Variants in KCNMA1 observed in about 807,000 individuals in gnomAD.
KCNMA1 encodes potassium calcium-activated channel subfamily M alpha 1.
A neutral mutation model predicts 140.0 loss-of-function variants in KCNMA1; 29 were observed. The ratio of observed to expected loss-of-function variants is 0.21; its 90% CI spans 0.15 to 0.28. KCNMA1 has a LOEUF of 0.28. Among genes scored for constraint, KCNMA1 ranks in the 10% least tolerant of loss-of-function variants. The probability of loss-of-function intolerance (pLI) is 1.00; values close to 1 mark genes in which losing one functional copy is unlikely to be tolerated. For synonymous variants in KCNMA1, 612 were observed against 611.9 expected, an observed-to-expected ratio of 1.00 and a Z score of 0.00; for missense variants, 880 against 1,602.2, an observed-to-expected ratio of 0.55 and a Z score of 7.70.
chr10:77,555,974 C>T (rs1424812744), intron 1 of KCNMA1, among the ~76,000 whole-genome samples: 1 of 152,154 alleles, frequency 6.6e-6, no homozygotes, highest in African/African-American at 2.4e-5. Flanking sequence ...GCAGCAATTG[C>T]AAAATGTGGG....
intron 18 of KCNMA1, among the ~76,000 whole-genome samples, chr10:77,002,898 A>C (rs920761706): frequency 2.0e-5 from 3 of 152,104 alleles, no homozygotes; most frequent in African/African-American, 7.2e-5. Context: ...TATTCCCTGC[A>C]CCCACACCTT....
chr10:76,970,017 C>T lies in KCNMA1; in HGVS notation c.2317G>A (p.Gly773Arg). Residue 773 changes from glycine to arginine, a missense_variant, in exon 20 of 28, where the codon GGA (glycine) becomes AGA (arginine). Gly to Arg is a moderately radical substitution (Grantham distance 125, BLOSUM62 -2). Around this residue, in one of 13 missense-constraint regions of KCNMA1, gnomAD observed 196 missense variants for 233.0 expected, o/e 0.84. Coordinates refer to ENST00000286628, the MANE Select transcript of KCNMA1 (RefSeq NM_001161352.2). Reference sequence around the variant, plus strand: ...GTGTTGGGTGAGTTCCGCATGCCTCCATTCCGTTGCTTTTTTTTTGGTGAT... The same window carrying T: ...GTGTTGGGTGAGTTCCGCATGCCTCTATTCCGTTGCTTTTTTTTTGGTGAT... ...TLSPKKKQRN[G>R]GMRNSPNTSP... The T allele has an allele frequency of 1.2e-6, 2 of 1,614,048 alleles. No individual in the cohort carries two copies. Among genetic ancestry groups the T allele is most frequent in the South Asian group, 1.1e-5 (1 of 91,080 alleles).
chr10:77,594,912 C>T (rs146758712), intron 1 of KCNMA1, among the ~76,000 whole-genome samples: 246 of 152,328 alleles, frequency 1.6e-3, no homozygotes, highest in Middle Eastern at 3.4e-3. Flanking sequence ...GCCACAGACA[C>T]ACCCTTTGAT....
chr10:77,272,619 T>C (rs1209925428), intron 2 of KCNMA1, among the ~76,000 whole-genome samples: 1 of 146,624 alleles, frequency 6.8e-6, no homozygotes, highest in African/African-American at 2.6e-5. Context: ...CAAATAATAA[T>C]TTTTAAAATG....
chr10:77,465,262 G>T (rs768288029), intron 1 of KCNMA1, among the ~76,000 whole-genome samples: 1 of 152,182 alleles, frequency 6.6e-6, no homozygotes, highest in Non-Finnish European at 1.5e-5. Flanking sequence ...TAAGGCTGGA[G>T]ATTCAACTAA....
chr10:77,189,997 A>G (rs749232162), intron 3 of KCNMA1, among the ~76,000 whole-genome samples: 2 of 152,122 alleles, frequency 1.3e-5, no homozygotes, highest in Non-Finnish European at 2.9e-5. Context: ...ATTTTCTACT[A>G]TGTTTCAGTC....
At chr10:77,446,844 C>T (rs1039856121) in intron 1 of KCNMA1, among the ~76,000 whole-genome samples, 6 of 152,254 alleles carry the variant, frequency 3.9e-5, no homozygotes, top group African/African-American at 1.4e-4. Context: ...TCCATATTGG[C>T]ACTTCCTTAC....
chr10:77,391,994 A>T (rs900658145), intron 2 of KCNMA1, among the ~76,000 whole-genome samples: 16 of 151,182 alleles, frequency 1.1e-4, no homozygotes, highest in African/African-American at 3.9e-4. Flanking sequence ...CTTGGGGGAA[A>T]ACCTGGGTAA....
chr10:77,586,058 C>A (rs991098088), intron 1 of KCNMA1, among the ~76,000 whole-genome samples: 4 of 152,202 alleles, frequency 2.6e-5, no homozygotes, highest in African/African-American at 7.2e-5. Flanking sequence ...AAACTTTTAT[C>A]AACATGCATT....
chr10:77,182,135 C>T (rs570757221), intron 5 of KCNMA1, among the ~76,000 whole-genome samples: 1 of 152,266 alleles, frequency 6.6e-6, no homozygotes, highest in Admixed American at 6.5e-5. Flanking sequence ...AAAGAAAATA[C>T]ACATATTCTT....
At chr10:77,056,461 A>T (rs1594908630) in intron 14 of KCNMA1, among the ~76,000 whole-genome samples, 1 of 152,148 alleles carries the variant, frequency 6.6e-6, no homozygotes, top group East Asian at 1.9e-4. Context: ...AAAATTATCA[A>T]CATTCTTACA....
intron 2 of KCNMA1, among the ~76,000 whole-genome samples, chr10:77,258,780 C>T (rs566169849): frequency 3.9e-5 from 6 of 151,970 alleles, no homozygotes; most frequent in Middle Eastern, 3.4e-3. Flanking sequence ...CTGGCCAATA[C>T]GGTGAAACCC....
chr10:77,511,318 T>C (rs2048316047), intron 1 of KCNMA1, among the ~76,000 whole-genome samples: 1 of 152,234 alleles, frequency 6.6e-6, no homozygotes, highest in Non-Finnish European at 1.5e-5. Flanking sequence ...TACAGGACCA[T>C]ACAGGAAATC....
intron 2 of KCNMA1, among the ~76,000 whole-genome samples, chr10:77,395,693 G>A (rs968485115): frequency 5.3e-5 from 8 of 152,192 alleles, no homozygotes; most frequent in African/African-American, 1.4e-4. Context: ...GGAACAATTC[G>A]TGGGTCTAGT....
chr10:77,582,407 C>T (rs898334365), intron 1 of KCNMA1, among the ~76,000 whole-genome samples: 4 of 152,204 alleles, frequency 2.6e-5, no homozygotes, highest in Non-Finnish European at 5.9e-5. Context: ...TTGATATCAT[C>T]ATTTTCAAGC....
At chr10:77,053,555 G>C (rs989686732) in intron 14 of KCNMA1, among the ~76,000 whole-genome samples, 1 of 152,156 alleles carries the variant, frequency 6.6e-6, no homozygotes, top group Non-Finnish European at 1.5e-5. Flanking sequence ...TGCTGACTCC[G>C]TATCTCACCA....
At chr10:77,460,403 G>A (rs1464871456) in intron 1 of KCNMA1, among the ~76,000 whole-genome samples, 2 of 152,060 alleles carry the variant, frequency 1.3e-5, no homozygotes, top group African/African-American at 4.8e-5. Flanking sequence ...CTACCGAAAG[G>A]AAATCATTAG....
At position 76,963,724 on chromosome 10, in the gene KCNMA1, A is replaced by T. The variant is rs185463172; in HGVS notation, c.2360+6250T>A. ...CTCTCTCTTGCTGACTTCTCTTCCC[A>T]TGAGCTAATCAGCAAATAAATTTAA... On this transcript the variant is annotated intron_variant, in intron 20 of 27. Coordinates refer to ENST00000286628, the MANE Select transcript of KCNMA1 (RefSeq NM_001161352.2). Among the ~76,000 whole-genome samples, 328 of 152,324 alleles carry T rather than the reference A, an allele frequency of 2.2e-3. 1 individual carries two copies. The highest frequency in any genetic ancestry group is 0.01 in the Middle Eastern group (3 of 294).
chr10:77,336,441 A>G (rs1199637781), intron 2 of KCNMA1, among the ~76,000 whole-genome samples: 1 of 152,190 alleles, frequency 6.6e-6, no homozygotes, highest in Non-Finnish European at 1.5e-5. Flanking sequence ...TAAAAAAAAA[A>G]AAGAAGATGA....
Sources: allele counts gnomAD v4.1 joint callset (sites outside exome capture counted in the v4.1 genomes callset), GRCh38; gene constraint gnomAD v4.1.1; regional missense constraint gnomAD v4.1.1; transcripts MANE v1.5; gene names NCBI Gene and HGNC (gene_info 2026-07-23, HGNC 2026-07-21).